Variants in STRN observed in about 807,000 individuals in gnomAD.
STRN encodes the protein protein phosphatase 2 regulatory subunit B'''alpha.
Under a neutral mutation model 96.3 loss-of-function variants are expected in STRN, and 53 were observed. The observed-to-expected ratio is 0.55, with a 90% CI of 0.44 to 0.69. The LOEUF (loss-of-function observed/expected upper bound fraction) is 0.69, where lower values mean the gene tolerates loss of function less well. STRN is among the 30% of genes least tolerant of loss of function. STRN has a pLI of 0.00. For synonymous variants in STRN, 428 were observed against 355.9 expected (o/e 1.20, Z -2.28); for missense variants, 987 against 963.9 (o/e 1.02, Z -0.32).
In STRN at chr2:36,840,360, C is replaced by T. The variant is rs1188270509; in HGVS notation, c.*9096G>A. ...GGGACACCTTCCTGTCCCCACCATG[C>T]TCTGCTCAGTTTTCACGCAGGCAGG... On this transcript the variant is annotated 3_prime_UTR_variant, in exon 18 of 18. Coordinates refer to ENST00000263918, the MANE Select transcript of STRN (RefSeq NM_003162.4). 6.6e-6 allele frequency: 1 copy of T among 152,160 alleles called. No individual in the cohort carries two copies. The highest frequency in any genetic ancestry group is 1.5e-5 in the Non-Finnish European group (1 of 68,072). The allele number at this position is 152,160 out of a possible 1,614,324, so 9.4% of individuals were successfully genotyped here.
At chr2:36,958,284 C>G (rs1664944498) in intron 1 of STRN, among the ~76,000 whole-genome samples, 1 of 151,978 alleles carries the variant, frequency 6.6e-6, no homozygotes, top group Non-Finnish European at 1.5e-5. Flanking sequence ...CAAGGGAACA[C>G]GTCGTCATGA....
At chr2:36,911,333 C>A (rs1457345048) in intron 3 of STRN, among the ~76,000 whole-genome samples, 7 of 152,194 alleles carry the variant, frequency 4.6e-5, no homozygotes, top group Non-Finnish European at 2.9e-5. Flanking sequence ...CAGTCAGGCT[C>A]AATTACTCCC....
intron 10 of STRN, among the ~76,000 whole-genome samples, chr2:36,873,285 T>A (rs1201376315): frequency 6.6e-6 from 1 of 152,220 alleles, no homozygotes; most frequent in East Asian, 1.9e-4. Context: ...CAAATAACAG[T>A]TTCTTGAAAA....
intron 8 of STRN, among the ~76,000 whole-genome samples, chr2:36,885,367 A>T (rs1393202033): frequency 6.6e-6 from 1 of 152,174 alleles, no homozygotes; most frequent in Non-Finnish European, 1.5e-5. Flanking sequence ...CACATATGAC[A>T]TTCAAATTTT....
intron 1 of STRN, among the ~76,000 whole-genome samples, chr2:36,965,144 C>T (rs554744477): frequency 1.4e-4 from 21 of 152,056 alleles, no homozygotes; most frequent in African/African-American, 4.6e-4. Context: ...TACATGTTAC[C>T]AAAAAAAGTG....
chr2:36,898,394 T>C (rs548563459), intron 6 of STRN, among the ~76,000 whole-genome samples: 105 of 152,320 alleles, frequency 6.9e-4, no homozygotes, highest in African/African-American at 2.1e-3. Context: ...AGTTACTACT[T>C]GAATTTCAAA....
At position 36,944,982 on chromosome 2, in the gene STRN, A is replaced by C. The variant is rs116630900; in HGVS notation, c.235-19774T>G. ...GACCAGAGCAGTCATTCTGGAAAGC[A>C]ATGTGCAGTACTTAGTCAAATCAAG... On this transcript the variant is annotated intron_variant, in intron 1 of 17. Transcript: ENST00000263918. Among the ~76,000 whole-genome samples, 483 of 152,354 alleles carry C rather than the reference A, an allele frequency of 3.2e-3. 1 individual carries two copies. Among genetic ancestry groups the C allele is most frequent in the Non-Finnish European group, 4.4e-3 (300 of 68,038 alleles).
chr2:36,858,467 T>G (rs1668404175), intron 13 of STRN, among the ~76,000 whole-genome samples: 1 of 152,188 alleles, frequency 6.6e-6, no homozygotes. Context: ...TATCTTACTA[T>G]ATGATGGATG....
At position 36,891,852 on chromosome 2, in the gene STRN, G is replaced by C. The variant is rs761574513; in HGVS notation, c.931+2046C>G. 3.3e-5 allele frequency among the ~76,000 whole-genome samples: 5 copies of C among 152,124 alleles called. No homozygotes were observed. The East Asian group carries it at 7.7e-4, about 23-fold the overall frequency. Reference sequence around the variant, plus strand: ...CTACATATAATGACCAAGCAATCATGAAGGAGAAAAAAGTTCAACAGAATT... The same window carrying C: ...CTACATATAATGACCAAGCAATCATCAAGGAGAAAAAAGTTCAACAGAATT... On this transcript the variant is annotated intron_variant, in intron 7 of 17. Transcript: ENST00000263918.
At chr2:36,938,429 TAAAA>T (rs1317648334) in intron 1 of STRN, among the ~76,000 whole-genome samples, 1 of 137,652 alleles carries the variant, frequency 7.3e-6, no homozygotes, top group African/African-American at 2.6e-5. Flanking sequence ...CTGTCTCAAT[TAAAA>T]AAAAAAAAAA....
intron 9 of STRN, among the ~76,000 whole-genome samples, chr2:36,878,649 T>C (rs1439165460): frequency 6.6e-6 from 1 of 152,160 alleles, no homozygotes; most frequent in Non-Finnish European, 1.5e-5. Flanking sequence ...GGGTAATAAT[T>C]CTATCTTGAT....
intron 4 of STRN, 146 bp downstream of exon 4, chr2:36,905,394 A>T: frequency 1.5e-6 from 1 of 689,612 alleles, no homozygotes; most frequent in Admixed American, 2.9e-5. Flanking sequence ...TTTAATATGA[A>T]AAAGGAACAG....
chr2:36,899,871 T>C (rs2148196359), intron 5 of STRN, among the ~76,000 whole-genome samples: 1 of 152,220 alleles, frequency 6.6e-6, no homozygotes, highest in East Asian at 1.9e-4. Context: ...CCTATCTATC[T>C]ACTTGCCTGC....
intron 1 of STRN, among the ~76,000 whole-genome samples, chr2:36,936,687 G>A (rs1023211420): frequency 2.0e-4 from 30 of 152,194 alleles, no homozygotes; most frequent in African/African-American, 6.8e-4. Context: ...ATAGGAGTAT[G>A]CATGTTCTCC....
Position 36,847,869 on chromosome 2 carries a change from T to C in STRN, c.*1587A>G, listed in dbSNP as rs916551486. On this transcript the variant is annotated 3_prime_UTR_variant, in exon 18 of 18. Transcript: ENST00000263918. The stretch of plus-strand genomic sequence containing the variant: ...ATGTGGGGAATGGAATATGTAGAAA[T>C]TGTTTTAATTGGTTAAAATATCTAT... 1 of 152,170 alleles carries C rather than the reference T, an allele frequency of 6.6e-6. No individual in the cohort carries two copies. The highest frequency in any genetic ancestry group is 1.5e-5 in the Non-Finnish European group (1 of 68,018). The allele number at this position is 152,170 out of a possible 1,614,324, so 9.4% of individuals were successfully genotyped here.
At chr2:36,963,958 C>T (rs544760033) in intron 1 of STRN, among the ~76,000 whole-genome samples, 6 of 151,708 alleles carry the variant, frequency 4.0e-5, no homozygotes, top group South Asian at 2.1e-4. Flanking sequence ...CACTGCACAC[C>T]GGCCTGGGCA....
intron 1 of STRN, among the ~76,000 whole-genome samples, chr2:36,965,421 T>C (rs1392905906): frequency 6.6e-6 from 1 of 152,252 alleles, no homozygotes; most frequent in African/African-American, 2.4e-5. Context: ...ATATACTTTA[T>C]CTTGCAGATT....
At chr2:36,886,637 A>C (rs1317423149) in intron 8 of STRN, 79 bp downstream of exon 8, 5 of 1,121,058 alleles carry the variant, frequency 4.5e-6, no homozygotes, top group Non-Finnish European at 2.6e-6. Context: ...AAGTAGATTT[A>C]GGAAAACATT....
At chr2:36,948,951 C>A (rs967317258) in intron 1 of STRN, among the ~76,000 whole-genome samples, 2 of 152,272 alleles carry the variant, frequency 1.3e-5, no homozygotes, top group South Asian at 4.1e-4. Context: ...CAAGATGACA[C>A]TATTTTGGTT....
Sources: allele counts gnomAD v4.1 joint callset (sites outside exome capture counted in the v4.1 genomes callset), GRCh38; gene constraint gnomAD v4.1.1; transcripts MANE v1.5; gene names NCBI Gene and HGNC (gene_info 2026-07-23, HGNC 2026-07-21).